Variants in NXN observed in about 807,000 individuals in gnomAD.
NXN encodes nucleoredoxin 1.
Under a neutral mutation model 48.6 loss-of-function variants are expected in NXN, and 16 were observed. The observed-to-expected ratio is 0.33, with a 90% confidence interval of 0.22 to 0.50. The LOEUF is 0.50. Among genes scored for constraint, NXN ranks in the 20% least tolerant of loss-of-function variants. NXN has a pLI of 0.98. For synonymous variants in NXN, 281 were observed against 269.6 expected, an observed-to-expected ratio of 1.04 and a Z score of -0.41; for missense variants, 492 against 605.5, an observed-to-expected ratio of 0.81 and a Z score of 1.97.
Position 829,048 on chromosome 17 carries a change from C to A in NXN, c.361-2970G>T, listed in dbSNP as rs866836232. The stretch of plus-strand genomic sequence containing the variant: ...TTTCCACCAGTGGCAAATGAGAGAG[C>A]CCATTTCCCAACCTTCACCAACATT... On this transcript the variant is annotated intron_variant, in intron 1 of 7. Transcript: ENST00000336868. Among the ~76,000 whole-genome samples, 3 of 152,112 alleles carry A rather than the reference C, an allele frequency of 2.0e-5. No individual in the cohort carries two copies. The Middle Eastern group carries it at 0.01, about 517-fold the overall frequency.
intron 1 of NXN, among the ~76,000 whole-genome samples, chr17:960,312 C>G (rs1190181705): frequency 6.6e-6 from 1 of 152,150 alleles, no homozygotes; most frequent in Non-Finnish European, 1.5e-5. Context: ...AAGTATAGGT[C>G]TACAGCTCTA....
At chr17:933,652 C>G (rs1469093998) in intron 1 of NXN, among the ~76,000 whole-genome samples, 1 of 152,146 alleles carries the variant, frequency 6.6e-6, no homozygotes, top group Non-Finnish European at 1.5e-5. Flanking sequence ...GAAATTCCCC[C>G]TTTCATCTTG....
chr17:876,192 A>G (rs1054581407), intron 1 of NXN, among the ~76,000 whole-genome samples: 2 of 148,966 alleles, frequency 1.3e-5, no homozygotes, highest in African/African-American at 5.1e-5. Context: ...AAAAGAAAGA[A>G]AAAAAAGAAA....
rs572722880 is a variant in NXN, at chr17:910,673, T to C, written c.360+68646A>G. On this transcript the variant is annotated intron_variant, in intron 1 of 7. Transcript: ENST00000336868. ...GCTCCAATGAATTAATGCCAACAAA[T>C]GTGCTCGGTATTGCTTCCAGATTCT... The C allele has an allele frequency of 8.5e-5, 13 of 152,334 alleles. No individual in the cohort carries two copies. The East Asian group carries it at 2.1e-3, about 25-fold the overall frequency. The allele number at this position is 152,334 out of a possible 1,614,324, so 9.4% of individuals were successfully genotyped here. A position where few individuals can be genotyped will look rare whatever the true frequency, so the allele number is the denominator to read the frequency against.
chr17:943,959 C>T (rs539087657), intron 1 of NXN, among the ~76,000 whole-genome samples: 7 of 150,946 alleles, frequency 4.6e-5, no homozygotes, highest in South Asian at 4.2e-4. Context: ...AATATTTGGC[C>T]GGGCACGGTG....
At chr17:880,621 A>C (rs748368634) in intron 1 of NXN, among the ~76,000 whole-genome samples, 13 of 152,138 alleles carry the variant, frequency 8.5e-5, no homozygotes, top group Non-Finnish European at 1.3e-4. Context: ...CCAAACAATG[A>C]GACTCAAAAT....
chr17:832,053 A>G (rs1202387058), intron 1 of NXN, among the ~76,000 whole-genome samples: 6 of 151,448 alleles, frequency 4.0e-5, no homozygotes, highest in Admixed American at 1.3e-4. Context: ...TGTTGCCTGA[A>G]GTAAATTTCA....
chr17:823,099 C>CAA (rs11314268), intron 3 of NXN, among the ~76,000 whole-genome samples: 8 of 130,412 alleles, frequency 6.1e-5, no homozygotes, highest in East Asian at 2.3e-4. Flanking sequence ...GACTCTGTCT[C>CAA]AAAAAAAAAA....
At chr17:810,010 T>G (rs1911844329) in intron 5 of NXN, among the ~76,000 whole-genome samples, 1 of 147,276 alleles carries the variant, frequency 6.8e-6, no homozygotes, top group South Asian at 2.1e-4. Flanking sequence ...TACGAGTCTG[T>G]GAGTGGCGTG....
intron 1 of NXN, chr17:842,620 G>A: frequency 1.0e-6 from 1 of 963,366 alleles, no homozygotes; most frequent in African/African-American, 1.8e-5. Flanking sequence ...CAGGCAACTT[G>A]GCTACTAAAC....
chr17:813,704 C>T (rs1246726718), intron 5 of NXN, among the ~76,000 whole-genome samples: 2 of 152,154 alleles, frequency 1.3e-5, no homozygotes, highest in African/African-American at 4.8e-5. Context: ...CGCGGTGGCT[C>T]ACGCCTGTAA....
intron 4 of NXN, 28 bp downstream of exon 4, chr17:822,329 G>C (rs951139403): frequency 5.3e-6 from 8 of 1,502,462 alleles, no homozygotes; most frequent in Non-Finnish European, 7.4e-6. Context: ...TACAGAAAAG[G>C]GGCCCAGCAC....
In NXN at chr17:979,419, T is replaced by G; in HGVS notation, c.260A>C (p.Glu87Ala). 7.4e-7 allele frequency: 1 copy of G among 1,360,136 alleles called. No homozygotes were observed. The allele number at this position is 1,360,136 out of a possible 1,614,324, so 84.3% of individuals were successfully genotyped here. A position where few individuals can be genotyped will look rare whatever the true frequency, so the allele number is the denominator to read the frequency against. ...AAEPEPRRRL[E>A]IVFVSSDQDQ... ...CTGGTCCGAGGACACGAAGACGATC[T>G]CCAGGCGCCGCCGCGGCTCGGGCTC... Residue 87 changes from glutamate to alanine, a missense_variant, in exon 1 of 8, where the codon GAG becomes GCG. Around this residue, in one of 3 missense-constraint regions of NXN, gnomAD observed 186 missense variants for 199.1 expected, o/e 0.93. Transcript: ENST00000336868.
Position 917,546 on chromosome 17 carries a change from A to G in NXN, c.360+61773T>C, listed in dbSNP as rs1255192764. Reference sequence around the variant, plus strand: ...CCTTCTGGACCTGCTGTCCCACCCTACGCCCATTTTTTATCTCCACCCACT... The same window carrying G: ...CCTTCTGGACCTGCTGTCCCACCCTGCGCCCATTTTTTATCTCCACCCACT... On this transcript the variant is annotated intron_variant, in intron 1 of 7. Coordinates refer to ENST00000336868, the MANE Select transcript of NXN (RefSeq NM_022463.5). This position sits in a 1 kb window ranked among gnomAD's most constrained non-coding sequence, Gnocchi z 4.5. 6.6e-6 allele frequency among the ~76,000 whole-genome samples: 1 copy of G among 152,000 alleles called. No individual in the cohort carries two copies. The highest frequency in any genetic ancestry group is 2.4e-5 in the African/African-American group (1 of 41,376).
chr17:804,974 G>C, intron 6 of NXN, 94 bp downstream of exon 6: 2 of 1,348,500 alleles, frequency 1.5e-6, no homozygotes, highest in Non-Finnish European at 2.1e-6. Context: ...GCTGGTGACA[G>C]AGAGAAGCGG....
At chr17:818,747 G>A (rs538337048) in intron 5 of NXN, among the ~76,000 whole-genome samples, 5 of 151,950 alleles carry the variant, frequency 3.3e-5, no homozygotes, top group Admixed American at 2.6e-4. Context: ...TTAGCCGGGC[G>A]TGTGGTGGGC....
At chr17:937,002 G>A (rs1014684701) in intron 1 of NXN, among the ~76,000 whole-genome samples, 4 of 151,772 alleles carry the variant, frequency 2.6e-5, no homozygotes, top group South Asian at 4.2e-4. Flanking sequence ...CCAGGAGGCC[G>A]AGATTGCACA....
rs1312970739 is a variant in NXN, at chr17:956,802, GA to G, written c.360+22516del. On this transcript the variant is annotated intron_variant, in intron 1 of 7. Coordinates refer to ENST00000336868, the MANE Select transcript of NXN (RefSeq NM_022463.5). The surrounding 1 kb of genome is among the most constrained non-coding windows in gnomAD (Gnocchi z 4.1). The stretch of plus-strand genomic sequence containing the variant: ...CTATCGTTCCCACTTTACAGATGAG[GA>G]AGTGGGGTTAAAGTAACTTGCCCAA... Among the ~76,000 whole-genome samples, 3 of 152,150 alleles carry G rather than the reference GA, an allele frequency of 2.0e-5. No individual in the cohort carries two copies. Among genetic ancestry groups the G allele is most frequent in the Non-Finnish European group, 4.4e-5 (3 of 68,024 alleles).
At chr17:811,990 A>T (rs192052688) in intron 5 of NXN, among the ~76,000 whole-genome samples, 25 of 134,880 alleles carry the variant, frequency 1.9e-4, no homozygotes, top group African/African-American at 5.8e-4. Flanking sequence ...TGCAGTGGCA[A>T]GATCTCGGCT....
Sources: gnomAD v4.1 joint callset for allele counts (sites outside exome capture counted in the v4.1 genomes callset) on GRCh38, gnomAD v4.1.1 for gene constraint, gnomAD v4.1.1 regional missense constraint, Gnocchi (gnomAD v3.1) non-coding constraint, MANE v1.5 for transcripts, NCBI Gene and HGNC (gene_info 2026-07-23, HGNC 2026-07-21) for gene names.